ZC3H13: variants seen among roughly 807,000 people sequenced by gnomAD.
The protein encoded by ZC3H13 is zinc finger CCCH domain-containing protein 13.
A neutral mutation model predicts 204.1 loss-of-function variants in ZC3H13; 64 were observed. The observed-to-expected ratio is 0.31, with a 90% CI of 0.26 to 0.39. The LOEUF (loss-of-function observed/expected upper bound fraction) is 0.39, where lower values mean the gene tolerates loss of function less well. Ranked by LOEUF, ZC3H13 falls within the 10% of genes least tolerant of loss-of-function variation. ZC3H13 has a pLI of 1.00. For synonymous variants in ZC3H13, 667 were observed against 693.7 expected (o/e 0.96, Z 0.60); for missense variants, 1,833 against 2,082.7 (o/e 0.88, Z 2.33).
At chr13:46,024,219 T>C (rs1008275353) in intron 4 of ZC3H13, among the ~76,000 whole-genome samples, 1 of 66,270 alleles carries the variant, frequency 1.5e-5, no homozygotes, top group Non-Finnish European at 2.8e-5. Flanking sequence ...TGCTACACTT[T>C]TGATAACTTC....
rs143102425 is a variant in ZC3H13 at position 45,985,715 on chromosome 13, T to C, written c.1302A>G (p.Arg434=). Reference sequence around the variant, plus strand: ...AAGAGCTCTGATCCTGTTCATATTCTCGTTCTTCTCTTGAGTCCTTTTCTC... The same window carrying C: ...AAGAGCTCTGATCCTGTTCATATTCCCGTTCTTCTCTTGAGTCCTTTTCTC... ...RDREKDSREE[R]EYEQDQSSSR... Residue 434 remains arginine, a synonymous_variant, in exon 10 of 19, where the codon CGA becomes CGG. Coordinates refer to ENST00000679008, the MANE Select transcript of ZC3H13 (RefSeq NM_001330564.2). 66 of 1,613,544 alleles carry C rather than the reference T, an allele frequency of 4.1e-5. 1 individual carries two copies. The East Asian group carries it at 1.4e-3, about 34-fold the overall frequency.
At position 46,032,456 on chromosome 13, in the gene ZC3H13, A is replaced by G. The variant is rs555069247; in HGVS notation, c.339+9708T>C. ...GCCCAACCTCACTCACAAGAGAAAC[A>G]TAATTAAAACTATGATGAAATAACA... On this transcript the variant is annotated intron_variant, in intron 4 of 18. Coordinates refer to ENST00000679008, the MANE Select transcript of ZC3H13 (RefSeq NM_001330564.2). Among the ~76,000 whole-genome samples the G allele has an allele frequency of 6.6e-5, 10 of 152,152 alleles. No individual in the cohort carries two copies. The South Asian group carries it at 2.1e-3, about 32-fold the overall frequency.
chr13:46,000,256 G>T (rs542960589), intron 8 of ZC3H13, among the ~76,000 whole-genome samples: 3 of 152,252 alleles, frequency 2.0e-5, no homozygotes, highest in African/African-American at 7.2e-5. Context: ...TCTGGCTATG[G>T]ACATCTTGGA....
At chr13:46,035,654 G>C (rs1038211401) in intron 4 of ZC3H13, among the ~76,000 whole-genome samples, 3 of 152,120 alleles carry the variant, frequency 2.0e-5, no homozygotes, top group African/African-American at 7.2e-5. Flanking sequence ...ACAGTGATCA[G>C]CTTCCTAAAT....
intron 5 of ZC3H13, 82 bp downstream of exon 5, chr13:46,020,367 G>A (rs953942337): frequency 5.0e-6 from 5 of 990,604 alleles, no homozygotes; most frequent in South Asian, 1.4e-5. Context: ...GATCACAGTC[G>A]AAAGGTGTTC....
intron 11 of ZC3H13, among the ~76,000 whole-genome samples, chr13:45,977,697 A>G (rs1953175606): frequency 6.6e-6 from 1 of 151,896 alleles, no homozygotes. Context: ...ATAGTTATTA[A>G]CTCAGACCTT....
chr13:46,002,883 C>A (rs1443706766), intron 8 of ZC3H13, among the ~76,000 whole-genome samples: 3 of 147,258 alleles, frequency 2.0e-5, no homozygotes, highest in African/African-American at 7.6e-5. Context: ...AAACTATAAA[C>A]TTTAAAATGA....
At chr13:46,006,396 GTTTT>G (rs931943449) in intron 7 of ZC3H13, among the ~76,000 whole-genome samples, 1 of 151,858 alleles carries the variant, frequency 6.6e-6, no homozygotes, top group Non-Finnish European at 1.5e-5. Context: ...GTTGTTCACA[GTTTT>G]TTTCCCATAA....
chr13:46,027,900 T>C (rs1461482676), intron 4 of ZC3H13, among the ~76,000 whole-genome samples: 1 of 151,796 alleles, frequency 6.6e-6, no homozygotes. Flanking sequence ...ACAAAACAAG[T>C]GAGAACAAAA....
chr13:46,003,954 C>T (rs1359607281), intron 7 of ZC3H13, among the ~76,000 whole-genome samples: 2 of 152,062 alleles, frequency 1.3e-5, no homozygotes, highest in Non-Finnish European at 2.9e-5. Flanking sequence ...GGCTATGACA[C>T]CAAAGGCACA....
chr13:45,970,238 G>A (rs1026172317), intron 13 of ZC3H13, 124 bp downstream of exon 13: 2 of 1,054,044 alleles, frequency 1.9e-6, no homozygotes, highest in Admixed American at 2.2e-5. Context: ...GAGATATTTA[G>A]AGGCAGCAAA....
chr13:46,029,427 CTTT>C (rs964729202), intron 4 of ZC3H13, among the ~76,000 whole-genome samples: 1 of 138,808 alleles, frequency 7.2e-6, no homozygotes, highest in Admixed American at 7.3e-5. Flanking sequence ...TGGACTACTT[CTTT>C]TTTTTTTTTT....
intron 12 of ZC3H13, among the ~76,000 whole-genome samples, chr13:45,973,272 A>G (rs998572346): frequency 2.0e-5 from 3 of 152,228 alleles, no homozygotes; most frequent in African/African-American, 7.2e-5. Context: ...AACGTTCTAC[A>G]TAAGAGCAGT....
chr13:46,018,753 C>T (rs1436121919), intron 5 of ZC3H13, among the ~76,000 whole-genome samples: 1 of 151,950 alleles, frequency 6.6e-6, no homozygotes, highest in Non-Finnish European at 1.5e-5. Context: ...CTTTTCTGAA[C>T]CTTTTATATT....
chr13:45,996,546 A>T (rs371057228), intron 8 of ZC3H13, among the ~76,000 whole-genome samples: 41 of 152,334 alleles, frequency 2.7e-4, no homozygotes, highest in Middle Eastern at 3.4e-3. Context: ...TAAGTGGCAC[A>T]GTGAAATCTT....
chr13:46,041,657 C>A (rs1286319174), intron 4 of ZC3H13, among the ~76,000 whole-genome samples: 1 of 152,120 alleles, frequency 6.6e-6, no homozygotes, highest in Non-Finnish European at 1.5e-5. Context: ...CAATGAACTA[C>A]ATTATAAATT....
At chr13:46,018,659 T>C (rs1425941085) in intron 5 of ZC3H13, among the ~76,000 whole-genome samples, 1 of 152,100 alleles carries the variant, frequency 6.6e-6, no homozygotes, top group Non-Finnish European at 1.5e-5. Context: ...CTCTGCTTAG[T>C]AGATAGCAAA....
intron 4 of ZC3H13, among the ~76,000 whole-genome samples, chr13:46,037,121 G>A (rs2043259614): frequency 6.6e-6 from 1 of 151,944 alleles, no homozygotes; most frequent in Non-Finnish European, 1.5e-5. Flanking sequence ...AATGAATGGT[G>A]GTATCAGTTG....
chr13:45,991,395 G>T (rs1255829026), intron 8 of ZC3H13, among the ~76,000 whole-genome samples: 2 of 152,150 alleles, frequency 1.3e-5, no homozygotes, highest in Non-Finnish European at 2.9e-5. Context: ...ACACTAATGG[G>T]TTGTCAAATA....
Sources: allele counts gnomAD v4.1 joint callset (sites outside exome capture counted in the v4.1 genomes callset), GRCh38; gene constraint gnomAD v4.1.1; transcripts MANE v1.5; gene names NCBI Gene and HGNC (gene_info 2026-07-23, HGNC 2026-07-21).